GALNT12: variants seen among roughly 807,000 people sequenced by gnomAD.
The protein encoded by GALNT12 is UDP-GalNAc:polypeptide N-acetylgalactosaminyltransferase 12.
In GALNT12, 45 loss-of-function variants were observed where a neutral mutation model predicts 55.5. The observed-to-expected ratio is 0.81, with a 90% confidence interval of 0.64 to 1.04. The LOEUF (loss-of-function observed/expected upper bound fraction) is 1.04. Ranked by LOEUF, GALNT12 falls within the 50% of genes least tolerant of loss-of-function variation. The pLI, the probability that GALNT12 is intolerant of heterozygous loss-of-function variation, is 0.00. For missense variants in GALNT12, 709 were observed against 754.8 expected, an observed-to-expected ratio of 0.94 and a Z score of 0.71; for synonymous variants, 304 against 312.2, an observed-to-expected ratio of 0.97 and a Z score of 0.28.
chr9:98,834,930 T>C (rs1184775644), intron 4 of GALNT12, among the ~76,000 whole-genome samples: 1 of 152,198 alleles, frequency 6.6e-6, no homozygotes, highest in African/African-American at 2.4e-5. Flanking sequence ...CAGACCTTGC[T>C]TCCTCCAGGG....
chr9:98,824,321 T>C (rs1475539965), intron 2 of GALNT12, among the ~76,000 whole-genome samples: 1 of 152,148 alleles, frequency 6.6e-6, no homozygotes, highest in African/African-American at 2.4e-5. Flanking sequence ...TCTAGGGTGC[T>C]CTGCTGCCTT....
intron 7 of GALNT12, among the ~76,000 whole-genome samples, chr9:98,842,963 C>T (rs1836329338): frequency 6.6e-6 from 1 of 152,136 alleles, no homozygotes; most frequent in Non-Finnish European, 1.5e-5. Context: ...ATACTTATAG[C>T]ATATCTCAAT....
chr9:98,848,670 A>T, intron 9 of GALNT12: 1 of 470,678 alleles, frequency 2.1e-6, no homozygotes, highest in Non-Finnish European at 3.9e-6. Context: ...GATTTCCCTG[A>T]AGGAAGCCAA....
chr9:98,818,384 G>A (rs1293468146), intron 1 of GALNT12, among the ~76,000 whole-genome samples: 7 of 151,978 alleles, frequency 4.6e-5, no homozygotes, highest in South Asian at 4.1e-4. Flanking sequence ...CGCCATGCCC[G>A]GCTAATTTTT....
rs573046827 is a variant in GALNT12 at position 98,849,415 on chromosome 9, A to C, written c.*323A>C. 1.6e-3 allele frequency: 869 copies of C among 533,448 alleles called. 1 individual carries two copies. Among genetic ancestry groups the C allele is most frequent in the Middle Eastern group, 5.8e-3 (12 of 2,086 alleles). 33.0% of individuals were successfully genotyped at this position (533,448 alleles called of 1,614,324 possible). A position where few individuals can be genotyped will look rare whatever the true frequency, so the allele number is the denominator to read the frequency against. ...TGTATATTTTACAGTCGTGCCTTTTACTCTCATTAGCAAAAAAGATAAAGA... is the reference window on the plus strand; with the variant it reads ...TGTATATTTTACAGTCGTGCCTTTTCCTCTCATTAGCAAAAAAGATAAAGA... On this transcript the variant is annotated 3_prime_UTR_variant, in exon 10 of 10. Transcript: ENST00000375011.
In GALNT12 at chr9:98,831,841, C is replaced by T; in HGVS notation, c.801C>T (p.Tyr267=). ...IDVIDWNTFE[Y]LGNSGEPQIG... Reference sequence around the variant, plus strand: ...TGATCGACTGGAACACCTTCGAATACCTGGGGAACTCCGGGGAGCCCCAGA... The same window carrying T: ...TGATCGACTGGAACACCTTCGAATATCTGGGGAACTCCGGGGAGCCCCAGA... Residue 267 remains tyrosine (Y), a synonymous_variant, in exon 4 of 10, where the codon TAC becomes TAT. Transcript: ENST00000375011. 6.2e-7 allele frequency: 1 copy of T among 1,614,180 alleles called. No individual in the cohort carries two copies. The highest frequency in any genetic ancestry group is 8.5e-7 in the Non-Finnish European group (1 of 1,180,030).
chr9:98,823,518 A>ATCCTTACT, intron 2 of GALNT12, 93 bp downstream of exon 2: 1 of 1,112,706 alleles, frequency 9.0e-7, no homozygotes, highest in Non-Finnish European at 1.4e-6. Flanking sequence ...AAGTAGGCCC[A>ATCCTTACT]GTAAGGATGG....
chr9:98,807,776 G>T lies in GALNT12; in HGVS notation c.78G>T (p.Ala26=). The T allele has an allele frequency of 8.6e-7, 1 of 1,159,064 alleles. No homozygotes were observed. The highest frequency in any genetic ancestry group is 1.1e-6 in the Non-Finnish European group (1 of 937,968). The allele number at this position is 1,159,064 out of a possible 1,614,324, so 71.8% of individuals were successfully genotyped here. A position where few individuals can be genotyped will look rare whatever the true frequency, so the allele number is the denominator to read the frequency against. The change falls in exon 1 of 10, where the codon GCG becomes GCT. Residue 26 remains alanine, a synonymous_variant. Coordinates refer to ENST00000375011, the MANE Select transcript of GALNT12 (RefSeq NM_024642.5). ...GGGAGGCGCTGTTGGTGCTCCTGGC[G>T]CTACTGGCGTTGGCCGGGCTGGGCT... ...RGREALLVLL[A]LLALAGLGSV...
intron 3 of GALNT12, among the ~76,000 whole-genome samples, chr9:98,827,471 CTTA>C (rs1408333057): frequency 1.3e-5 from 2 of 152,142 alleles, no homozygotes; most frequent in African/African-American, 4.8e-5. Context: ...CCACACCGGC[CTTA>C]TTATTCCTTT....
Position 98,849,490 on chromosome 9 carries a change from G to A in GALNT12, c.*398G>A. On this transcript the variant is annotated 3_prime_UTR_variant, in exon 10 of 10. Transcript: ENST00000375011. Reference sequence around the variant, plus strand: ...TCCCAGGTACGAAGATATCTGCATGGGTGGAAATCAGGTTCAAGCAACGTA... The same window carrying A: ...TCCCAGGTACGAAGATATCTGCATGAGTGGAAATCAGGTTCAAGCAACGTA... 1.9e-6 allele frequency: 1 copy of A among 515,216 alleles called. No individual in the cohort carries two copies. Among genetic ancestry groups the A allele is most frequent in the East Asian group, 3.0e-5 (1 of 32,866 alleles). 31.9% of individuals were successfully genotyped at this position (515,216 alleles called of 1,614,324 possible).
intron 1 of GALNT12, among the ~76,000 whole-genome samples, chr9:98,813,700 A>T (rs567608890): frequency 1.3e-5 from 2 of 152,154 alleles, no homozygotes; most frequent in South Asian, 2.1e-4. Flanking sequence ...GGGTTTCACC[A>T]TGTTGGTCAG....
intron 1 of GALNT12, among the ~76,000 whole-genome samples, chr9:98,810,785 G>A (rs1018347158): frequency 3.9e-5 from 6 of 152,212 alleles, no homozygotes; most frequent in South Asian, 2.1e-4. Flanking sequence ...TTACATGCCA[G>A]TGGATTCGAG....
At chr9:98,815,720 T>G (rs1835595224) in intron 1 of GALNT12, among the ~76,000 whole-genome samples, 1 of 152,252 alleles carries the variant, frequency 6.6e-6, no homozygotes, top group African/African-American at 2.4e-5. Flanking sequence ...TAGGACAATT[T>G]TAGAATGCAC....
intron 1 of GALNT12, 123 bp from the exon 2 acceptor site, chr9:98,823,133 A>C (rs895191124): frequency 4.5e-6 from 4 of 898,698 alleles, no homozygotes; most frequent in Admixed American, 3.6e-5. Flanking sequence ...GAGCTCTGGA[A>C]GATCCTTCAG....
chr9:98,826,864 G>A lies in GALNT12; in HGVS notation c.654G>A (p.Ala218=), dbSNP rs745820082. 9.3e-5 allele frequency: 149 copies of A among 1,601,018 alleles called. No individual in the cohort carries two copies. The highest frequency in any genetic ancestry group is 1.1e-4 in the Non-Finnish European group (134 of 1,174,268). The change falls in exon 3 of 10, where the codon GCG becomes GCA. Residue 218 remains alanine (A), a synonymous_variant. Transcript: ENST00000375011. The part of the protein sequence containing the change: ...LVRARLLGAS[A]ARGDVLTFLD... ...GAGCCCGGCTGCTGGGGGCGTCTGC[G>A]GCGAGGGGCGATGTTCTGACCTTCC...
intron 4 of GALNT12, among the ~76,000 whole-genome samples, chr9:98,832,558 G>A (rs1426522220): frequency 4.6e-5 from 7 of 152,132 alleles, no homozygotes; most frequent in Admixed American, 3.3e-4. Flanking sequence ...TGCAATTTTA[G>A]TGGCATCGAG....
At chr9:98,841,686 T>A (rs973992282) in intron 7 of GALNT12, among the ~76,000 whole-genome samples, 5 of 152,034 alleles carry the variant, frequency 3.3e-5, no homozygotes, top group African/African-American at 4.8e-5. Flanking sequence ...TTTTTTTTTT[T>A]GAGAGAAAAG....
intron 5 of GALNT12, 50 bp downstream of exon 5, chr9:98,835,416 T>G (rs1344117675): frequency 8.6e-7 from 1 of 1,161,476 alleles, no homozygotes; most frequent in African/African-American, 1.5e-5. Context: ...GATTCTCTCT[T>G]TGGGAACGAT....
At chr9:98,845,601 G>C (rs1295268356) in intron 8 of GALNT12, among the ~76,000 whole-genome samples, 1 of 152,118 alleles carries the variant, frequency 6.6e-6, no homozygotes, top group Admixed American at 6.5e-5. Flanking sequence ...AAAAGGAGAG[G>C]AAGTAGCTAG....
Sources: gnomAD v4.1 joint callset for allele counts (sites outside exome capture counted in the v4.1 genomes callset) on GRCh38, gnomAD v4.1.1 for gene constraint, MANE v1.5 for transcripts, NCBI Gene and HGNC (gene_info 2026-07-23, HGNC 2026-07-21) for gene names.